The following HSF2BP variants were observed in gnomAD, a reference collection of about 807,000 sequenced individuals.
HSF2BP encodes the protein heat shock factor 2-binding protein.
A neutral mutation model predicts 35.0 loss-of-function variants in HSF2BP; 35 were observed. The ratio of observed to expected loss-of-function variants is 1.00; its 90% CI spans 0.76 to 1.32. The LOEUF (loss-of-function observed/expected upper bound fraction) is 1.32. HSF2BP is among the 40% of genes most tolerant of loss of function. HSF2BP has a pLI of 0.00. For synonymous variants in HSF2BP, 114 were observed against 117.4 expected (o/e 0.97, Z 0.18); for missense variants, 326 against 321.7 (o/e 1.01, Z -0.10).
At chr21:43,631,871 G>T (rs911015756) in intron 5 of HSF2BP, among the ~76,000 whole-genome samples, 2 of 151,864 alleles carry the variant, frequency 1.3e-5, no homozygotes, top group African/African-American at 4.8e-5. Flanking sequence ...ATACATGTGC[G>T]TGTGCACGCT....
intron 6 of HSF2BP, among the ~76,000 whole-genome samples, chr21:43,624,257 C>T (rs1283337920): frequency 1.3e-5 from 2 of 152,254 alleles, no homozygotes; most frequent in Admixed American, 6.5e-5. Flanking sequence ...TGACCCTTCA[C>T]TGCTGACTTA....
chr21:43,656,184 C>T (rs1018375771), intron 3 of HSF2BP, among the ~76,000 whole-genome samples: 2 of 152,206 alleles, frequency 1.3e-5, no homozygotes, highest in Non-Finnish European at 2.9e-5. Context: ...CTCACCCATC[C>T]ACCTAAAGAT....
chr21:43,588,681 G>A (rs1204020834), intron 8 of HSF2BP, among the ~76,000 whole-genome samples: 1 of 152,158 alleles, frequency 6.6e-6, no homozygotes, highest in Non-Finnish European at 1.5e-5. Flanking sequence ...GAAGTATTAG[G>A]TATTCTTATT....
chr21:43,620,732 CCATCATCACCAT>C (rs779129281), intron 6 of HSF2BP, among the ~76,000 whole-genome samples: 66 of 144,698 alleles, frequency 4.6e-4, no homozygotes, highest in Non-Finnish European at 8.8e-4. Context: ...ATCATCATCA[CCATCATCACCAT>C]CATCATCACC....
At chr21:43,596,212 C>T (rs2081985126) in intron 7 of HSF2BP, among the ~76,000 whole-genome samples, 1 of 152,092 alleles carries the variant, frequency 6.6e-6, no homozygotes, top group African/African-American at 2.4e-5. Context: ...TAAGCTGATT[C>T]TCTGATCCAC....
At chr21:43,617,079 C>A (rs2082280797) in intron 6 of HSF2BP, among the ~76,000 whole-genome samples, 1 of 152,124 alleles carries the variant, frequency 6.6e-6, no homozygotes, top group Non-Finnish European at 1.5e-5. Context: ...AGCTAAGGCC[C>A]CAGATGTTGG....
At chr21:43,624,702 T>G (rs562409450) in intron 6 of HSF2BP, among the ~76,000 whole-genome samples, 4 of 152,304 alleles carry the variant, frequency 2.6e-5, no homozygotes, top group African/African-American at 9.6e-5. Context: ...TATCTAACAT[T>G]ATTTGAATAC....
chr21:43,574,091 G>C (rs911504865), intron 8 of HSF2BP, among the ~76,000 whole-genome samples: 2 of 152,168 alleles, frequency 1.3e-5, no homozygotes, highest in Non-Finnish European at 2.9e-5. Flanking sequence ...GCTCTCACAG[G>C]GGGAGGAGGC....
chr21:43,592,456 T>C (rs2081938850), intron 7 of HSF2BP, 128 bp from the exon 8 acceptor site: 2 of 616,136 alleles, frequency 3.2e-6, no homozygotes, highest in Non-Finnish European at 5.8e-6. Context: ...TCCAATTCTA[T>C]AATGTGAATT....
intron 6 of HSF2BP, among the ~76,000 whole-genome samples, chr21:43,626,588 C>A (rs1474176860): frequency 6.6e-6 from 1 of 152,180 alleles, no homozygotes; most frequent in East Asian, 1.9e-4. Flanking sequence ...ACACACTGGT[C>A]TTGTATGGAA....
At chr21:43,575,301 C>T (rs1002419071) in intron 8 of HSF2BP, among the ~76,000 whole-genome samples, 1 of 152,218 alleles carries the variant, frequency 6.6e-6, no homozygotes, top group Middle Eastern at 3.2e-3. Flanking sequence ...TCCCTTCATG[C>T]TGAAAGGGCA....
intron 7 of HSF2BP, among the ~76,000 whole-genome samples, chr21:43,593,354 G>A (rs2081949801): frequency 6.6e-6 from 1 of 152,100 alleles, no homozygotes; most frequent in South Asian, 2.1e-4. Flanking sequence ...CAGCTTCCTG[G>A]ACATTAAAGG....
intron 6 of HSF2BP, among the ~76,000 whole-genome samples, chr21:43,619,734 A>AT (rs2082310495): frequency 6.6e-6 from 1 of 152,228 alleles, no homozygotes; most frequent in Non-Finnish European, 1.5e-5. Flanking sequence ...AACCACTGTA[A>AT]GTACCTGAAG....
At chr21:43,609,444 A>T (rs549587789) in intron 7 of HSF2BP, among the ~76,000 whole-genome samples, 13 of 151,944 alleles carry the variant, frequency 8.6e-5, no homozygotes, top group South Asian at 6.2e-4. Context: ...TTAAATTTAA[A>T]TTTTTTTAAA....
At chr21:43,467,846 T>TACACACC in the HSF2BP span, among the ~76,000 whole-genome samples, 2 of 22,556 alleles carry the variant, frequency 8.9e-5, no homozygotes, top group African/African-American at 1.8e-4. Flanking sequence ...ACACACCACA[T>TACACACC]ACACACCACA....
chr21:43,601,671 T>C (rs758859075), intron 7 of HSF2BP, among the ~76,000 whole-genome samples: 1 of 152,162 alleles, frequency 6.6e-6, no homozygotes. Context: ...GGTAAGCACA[T>C]TGTAGCTGAA....
intron 6 of HSF2BP, among the ~76,000 whole-genome samples, chr21:43,622,266 G>A (rs1051089277): frequency 6.6e-5 from 10 of 152,070 alleles, no homozygotes; most frequent in Non-Finnish European, 1.3e-4. Context: ...GAAAAAAGAA[G>A]AGGAGTTACA....
chr21:43,467,921 ACAC>A, the HSF2BP span, among the ~76,000 whole-genome samples: 4 of 114,164 alleles, frequency 3.5e-5, no homozygotes, highest in African/African-American at 7.4e-5. Context: ...CACACCACAC[ACAC>A]CACACACCAC....
intron 8 of HSF2BP, among the ~76,000 whole-genome samples, chr21:43,584,523 T>C (rs1012386638): frequency 5.9e-5 from 9 of 152,158 alleles, no homozygotes; most frequent in African/African-American, 2.2e-4. Context: ...GTTAATCTTA[T>C]CCAGAAACAT....
Sources: allele counts gnomAD v4.1 joint callset (sites outside exome capture counted in the v4.1 genomes callset), GRCh38; gene constraint gnomAD v4.1.1; transcripts MANE v1.5; gene names NCBI Gene and HGNC (gene_info 2026-07-23, HGNC 2026-07-21).